The following ENOSF1 variants were observed in gnomAD, a reference collection of about 807,000 sequenced individuals.
The protein encoded by ENOSF1 is mitochondrial enolase superfamily member 1.
ENOSF1 carries 73 observed loss-of-function variants against 68.2 expected under a neutral mutation model. The observed-to-expected ratio is 1.07, with a 90% confidence interval of 0.89 to 1.30. The LOEUF (loss-of-function observed/expected upper bound fraction) is 1.30. Ranked by LOEUF, ENOSF1 falls within the 50% of genes most tolerant of loss-of-function variation. The probability of loss-of-function intolerance (pLI) is 0.00; values close to 1 mark genes in which losing one functional copy is unlikely to be tolerated. For synonymous variants in ENOSF1, 223 were observed against 210.4 expected, an observed-to-expected ratio of 1.06 and a Z score of -0.52; for missense variants, 589 against 554.5, an observed-to-expected ratio of 1.06 and a Z score of -0.62.
chr18:665,355 G>C (rs1303390860), downstream of ENOSF1, among the ~76,000 whole-genome samples: 1 of 150,920 alleles, frequency 6.6e-6, no homozygotes, highest in Non-Finnish European at 1.5e-5. Context: ...CTGTGGGATT[G>C]GTGGTGATAT....
chr18:666,891 A>AGATGGTGATGGTGATGGAGATGGT (rs140212927), downstream of ENOSF1, among the ~76,000 whole-genome samples: 26 of 62,126 alleles, frequency 4.2e-4, 3 homozygotes, highest in Non-Finnish European at 6.3e-4. Context: ...AAAGTTCGGG[A>AGATGGTGATGGTGATGGAGATGGT]GATGGTGATG....
rs916549619 is a variant in ENOSF1 at position 673,819 on chromosome 18, T to A, written c.*486A>T. 2 of 152,548 alleles carry A rather than the reference T, an allele frequency of 1.3e-5. No homozygotes were observed. Among genetic ancestry groups the A allele is most frequent in the African/African-American group, 4.8e-5 (2 of 41,274 alleles). The allele number at this position is 152,548 out of a possible 1,614,324, so 9.4% of individuals were successfully genotyped here. On this transcript the variant is annotated 3_prime_UTR_variant, in exon 16 of 16. Coordinates refer to ENST00000647584, the MANE Select transcript of ENOSF1 (RefSeq NM_017512.7). ...CTTCAGCATGGTGTGACTTCTCTAA[T>A]AATATGCTTAGATTAAGCAAGGAAA...
At chr18:667,937 T>C (rs1359481275), downstream of ENOSF1, among the ~76,000 whole-genome samples, 5 of 151,762 alleles carry the variant, frequency 3.3e-5, no homozygotes, top group South Asian at 2.1e-4. Flanking sequence ...TGTTGGATTT[T>C]AGTAGGAAAG....
chr18:697,463 A>C lies in ENOSF1; in HGVS notation c.194-108T>G, dbSNP rs922858715. On this transcript the variant is annotated intron_variant, in intron 2 of 15. Transcript: ENST00000647584. ...ATGTGAAAGTTTTATGAAAAAATTAAATCTAGGCCAGGCGCGGTGGCTCAT... is the reference window on the plus strand; with the variant it reads ...ATGTGAAAGTTTTATGAAAAAATTACATCTAGGCCAGGCGCGGTGGCTCAT... 55 of 925,082 alleles carry C rather than the reference A, an allele frequency of 5.9e-5. No individual in the cohort carries two copies. The Admixed American group carries it at 8.4e-4, about 14-fold the overall frequency. 57.3% of individuals were successfully genotyped at this position (925,082 alleles called of 1,614,324 possible). A position where few individuals can be genotyped will look rare whatever the true frequency, so the allele number is the denominator to read the frequency against.
intron 1 of ENOSF1, among the ~76,000 whole-genome samples, chr18:707,838 A>G (rs1192062871): frequency 7.3e-6 from 1 of 136,402 alleles, no homozygotes; most frequent in Non-Finnish European, 1.5e-5. Flanking sequence ...GTCACACCAC[A>G]AGTAAATAAT....
At chr18:681,639 T>C (rs1453957323) in intron 11 of ENOSF1, among the ~76,000 whole-genome samples, 1 of 152,174 alleles carries the variant, frequency 6.6e-6, no homozygotes, top group Admixed American at 6.5e-5. Context: ...GCTCCATGGC[T>C]CCTGCTCACC....
In ENOSF1 at chr18:693,826, T is replaced by A. The variant is rs59634388; in HGVS notation, c.423+56A>T. On this transcript the variant is annotated intron_variant, in intron 5 of 15. Coordinates refer to ENST00000647584, the MANE Select transcript of ENOSF1 (RefSeq NM_017512.7). Reference sequence around the variant, plus strand: ...TTACTGATCATCAAAAGGCATGTCATCAATGATATCCATTTCATTTACAGA... The same window carrying A: ...TTACTGATCATCAAAAGGCATGTCAACAATGATATCCATTTCATTTACAGA... 10,332 of 1,610,484 alleles carry A rather than the reference T, an allele frequency of 6.4e-3. 575 individuals are homozygous for A. In the African/African-American group the frequency reaches 0.12, roughly 19 times the overall value.
At chr18:690,878 G>T (rs889253426) in intron 7 of ENOSF1, 190 bp downstream of exon 7, 4 of 1,282,436 alleles carry the variant, frequency 3.1e-6, no homozygotes, top group Non-Finnish European at 4.2e-6. Context: ...TTTCAGCAGT[G>T]GCTGAAGCAA....
chr18:703,888 G>C (rs761130195), intron 2 of ENOSF1, among the ~76,000 whole-genome samples: 3 of 152,148 alleles, frequency 2.0e-5, no homozygotes, highest in African/African-American at 2.4e-5. Context: ...CTTTGAGATA[G>C]TGAGTGAGTT....
chr18:671,489 TCTC>T lies in ENOSF1; in HGVS notation c.*2813_*2815del. 1 of 1,332,908 alleles carries T rather than the reference TCTC, an allele frequency of 7.5e-7. No individual in the cohort carries two copies. Among genetic ancestry groups the T allele is most frequent in the African/African-American group, 1.4e-5 (1 of 69,388 alleles). The allele number at this position is 1,332,908 out of a possible 1,614,324, so 82.6% of individuals were successfully genotyped here. On this transcript the variant is annotated 3_prime_UTR_variant, in exon 16 of 16. Transcript: ENST00000647584. ...TGTTATACTTTTGGGTTTGGTACCT[TCTC>T]TTGATAAAAGGTTGACTGTGGAACA...
At chr18:663,335 T>C in the ENOSF1 span, among the ~76,000 whole-genome samples, 1 of 98,262 alleles carries the variant, frequency 1.0e-5, no homozygotes, top group African/African-American at 6.3e-5. Context: ...TGTCTGTTCA[T>C]GTCCTTCGCC....
Position 676,739 on chromosome 18 carries a change from C to A in ENOSF1, c.1148+606G>T, listed in dbSNP as rs528386621. Among the ~76,000 whole-genome samples the A allele has an allele frequency of 3.3e-5, 5 of 152,304 alleles. No individual in the cohort carries two copies. The South Asian group carries it at 6.2e-4, about 19-fold the overall frequency. Reference sequence around the variant, plus strand: ...CCCCCCTGAAGAGAAAAACGGTTACCATTATTACTGAAGCCTCCTATGTAC... The same window carrying A: ...CCCCCCTGAAGAGAAAAACGGTTACAATTATTACTGAAGCCTCCTATGTAC... On this transcript the variant is annotated intron_variant, in intron 14 of 15. Coordinates refer to ENST00000647584, the MANE Select transcript of ENOSF1 (RefSeq NM_017512.7).
chr18:674,276 G>GA lies in ENOSF1; in HGVS notation c.*28dup. 4 of 1,501,004 alleles carry GA rather than the reference G, an allele frequency of 2.7e-6. No individual in the cohort carries two copies. Among genetic ancestry groups the GA allele is most frequent in the Non-Finnish European group, 3.6e-6 (4 of 1,101,294 alleles). The allele number at this position is 1,501,004 out of a possible 1,614,324, so 93.0% of individuals were successfully genotyped here. On this transcript the variant is annotated 3_prime_UTR_variant, in exon 16 of 16. Coordinates refer to ENST00000647584, the MANE Select transcript of ENOSF1 (RefSeq NM_017512.7). ...AGAAATTTTAAGCCCTTTCACTTCA[G>GA]AAAGAAAAAAGTTGTTGGGGCTGAG...
In ENOSF1 at chr18:677,328, A is replaced by C. The variant is rs1315055065; in HGVS notation, c.1148+17T>G. The C allele has an allele frequency of 5.6e-6, 9 of 1,600,362 alleles. No homozygotes were observed. Among genetic ancestry groups the C allele is most frequent in the Non-Finnish European group, 7.7e-6 (9 of 1,168,274 alleles). On this transcript the variant is annotated intron_variant, in intron 14 of 15. Coordinates refer to ENST00000647584, the MANE Select transcript of ENOSF1 (RefSeq NM_017512.7). ...GGACCCTACTGAAACAGAAAGTATT[A>C]ATGCCACATTACTGACCTATTTTCA...
chr18:664,454 C>T, the ENOSF1 span, among the ~76,000 whole-genome samples: 1 of 143,618 alleles, frequency 7.0e-6, no homozygotes, highest in Non-Finnish European at 1.5e-5. Flanking sequence ...ACAATCATGT[C>T]GTCTGCAAAC....
chr18:699,898 G>C (rs1222518951), intron 2 of ENOSF1, among the ~76,000 whole-genome samples: 3 of 152,160 alleles, frequency 2.0e-5, no homozygotes, highest in African/African-American at 7.2e-5. Flanking sequence ...TGGCCAACAT[G>C]GTGAAACCCC....
downstream of ENOSF1, among the ~76,000 whole-genome samples, chr18:666,364 G>A (rs2074816064): frequency 6.6e-6 from 1 of 152,040 alleles, no homozygotes; most frequent in Non-Finnish European, 1.5e-5. Flanking sequence ...CTGCTGTGAA[G>A]CGCAGTGCCA....
intron 5 of ENOSF1, chr18:691,562 A>C: frequency 3.6e-6 from 1 of 279,678 alleles, no homozygotes; most frequent in Non-Finnish European, 6.7e-6. Flanking sequence ...GACCAGGTTG[A>C]TCTTGAGCTC....
At chr18:701,939 G>GATAAATAAATAAATAAATAA (rs142996189) in intron 2 of ENOSF1, among the ~76,000 whole-genome samples, 4 of 148,176 alleles carry the variant, frequency 2.7e-5, no homozygotes, top group African/African-American at 7.5e-5. Flanking sequence ...TAAATACATA[G>GATAAATAAATAAATAAATAA]ATAAATAAAT....
Sources: allele counts gnomAD v4.1 joint callset (sites outside exome capture counted in the v4.1 genomes callset), GRCh38; gene constraint gnomAD v4.1.1; transcripts MANE v1.5; gene names NCBI Gene and HGNC (gene_info 2026-07-23, HGNC 2026-07-21).